The following C8orf34 variants were observed in gnomAD, a reference collection of about 807,000 sequenced individuals.
C8orf34 encodes uncharacterized protein C8orf34.
A neutral mutation model predicts 68.3 loss-of-function variants in C8orf34; 65 were observed. The ratio of observed to expected loss-of-function variants is 0.95; its 90% CI spans 0.78 to 1.17. The LOEUF is 1.17. Among genes scored for constraint, C8orf34 ranks in the 50% most tolerant of loss-of-function variants. C8orf34 has a pLI of 0.00. For synonymous variants in C8orf34, 244 were observed against 241.2 expected, an observed-to-expected ratio of 1.01 and a Z score of -0.11; for missense variants, 664 against 655.4, an observed-to-expected ratio of 1.01 and a Z score of -0.14.
chr8:68,372,943 TAGA>T (rs978921765), intron 1 of C8orf34, among the ~76,000 whole-genome samples: 2 of 152,204 alleles, frequency 1.3e-5, no homozygotes, highest in African/African-American at 2.4e-5. Context: ...AAGCACAGCA[TAGA>T]AGAATGGGTT....
intron 2 of C8orf34, among the ~76,000 whole-genome samples, chr8:68,442,083 G>A (rs1810932049): frequency 6.6e-6 from 1 of 152,110 alleles, no homozygotes; most frequent in Non-Finnish European, 1.5e-5. Context: ...AAAATTTATA[G>A]TTAGAGTGTA....
At chr8:68,441,026 G>A (rs371931430) in intron 2 of C8orf34, among the ~76,000 whole-genome samples, 2 of 152,058 alleles carry the variant, frequency 1.3e-5, no homozygotes, top group Non-Finnish European at 2.9e-5. Context: ...GGATGGTCTC[G>A]ATCTCCTGAC....
At chr8:68,439,407 C>T in intron 1 of C8orf34, 92 bp from the exon 2 acceptor site, 3 of 1,207,058 alleles carry the variant, frequency 2.5e-6, no homozygotes, top group Non-Finnish European at 3.5e-6. Flanking sequence ...GCAGTTAGAC[C>T]AGTACCTGAC....
chr8:68,626,933 T>C (rs1221967822), intron 7 of C8orf34, among the ~76,000 whole-genome samples: 1 of 152,078 alleles, frequency 6.6e-6, no homozygotes, highest in East Asian at 1.9e-4. Context: ...CTGACTTAAC[T>C]CTCAAGAAAT....
intron 7 of C8orf34, among the ~76,000 whole-genome samples, chr8:68,616,481 C>T (rs1010964377): frequency 2.0e-5 from 3 of 152,092 alleles, no homozygotes; most frequent in South Asian, 2.1e-4. Flanking sequence ...GAGATTCTGG[C>T]ATGTTGTGTC....
chr8:68,659,614 CT>C (rs1819612688), intron 8 of C8orf34, among the ~76,000 whole-genome samples: 1 of 152,150 alleles, frequency 6.6e-6, no homozygotes, highest in Non-Finnish European at 1.5e-5. Flanking sequence ...CCTTACTCCA[CT>C]GCTAAAGAGT....
rs1824829362 is a variant in C8orf34 at position 68,816,684 on chromosome 8, AG to A, written c.1609+740del. Among the ~76,000 whole-genome samples the A allele has an allele frequency of 3.3e-5, 5 of 152,254 alleles. No homozygotes were observed. In the South Asian group the frequency reaches 1.0e-3, roughly 32 times the overall value. On this transcript the variant is annotated intron_variant, in intron 13 of 13. Transcript: ENST00000518698. ...TTTTGCTCTGCTGTAATTGCTCTTGAGTCAATAATTCTGCATTAGGACATTA... is the reference window on the plus strand; with the variant it reads ...TTTTGCTCTGCTGTAATTGCTCTTGATCAATAATTCTGCATTAGGACATTA...
chr8:68,344,231 TA>T (rs994487230), intron 1 of C8orf34, among the ~76,000 whole-genome samples: 1 of 151,894 alleles, frequency 6.6e-6, no homozygotes, highest in African/African-American at 2.4e-5. Flanking sequence ...ATTCAGCAGT[TA>T]AAAAAAATAA....
chr8:68,381,188 A>G (rs1452645222), intron 1 of C8orf34, among the ~76,000 whole-genome samples: 1 of 152,190 alleles, frequency 6.6e-6, no homozygotes, highest in Non-Finnish European at 1.5e-5. Context: ...GGAAGACTAG[A>G]CTATTTTTCT....
intron 7 of C8orf34, among the ~76,000 whole-genome samples, chr8:68,600,200 A>G (rs10957440): frequency 3.3e-5 from 5 of 151,920 alleles, no homozygotes; most frequent in South Asian, 4.1e-4. Flanking sequence ...CACAGTCTAC[A>G]GGTATTGATG....
chr8:68,512,597 T>G (rs961204998), intron 5 of C8orf34, among the ~76,000 whole-genome samples: 1 of 152,168 alleles, frequency 6.6e-6, no homozygotes, highest in Non-Finnish European at 1.5e-5. Flanking sequence ...AAAAACCTTT[T>G]ATAACCTTTT....
chr8:68,500,067 T>C (rs1813700212), intron 5 of C8orf34, among the ~76,000 whole-genome samples: 1 of 152,196 alleles, frequency 6.6e-6, no homozygotes, highest in South Asian at 2.1e-4. Flanking sequence ...CCTTCAGCCA[T>C]GACTCCTGAA....
At chr8:68,797,306 T>G (rs1436647311) in intron 12 of C8orf34, among the ~76,000 whole-genome samples, 4 of 152,214 alleles carry the variant, frequency 2.6e-5, no homozygotes, top group African/African-American at 9.6e-5. Context: ...TCCAAGAGAC[T>G]GTGGACCTGT....
chr8:68,730,716 C>T (rs1821956577), intron 10 of C8orf34, among the ~76,000 whole-genome samples: 1 of 151,976 alleles, frequency 6.6e-6, no homozygotes, highest in African/African-American at 2.4e-5. Flanking sequence ...AAAAGTATGA[C>T]ATTATTTTGT....
intron 1 of C8orf34, among the ~76,000 whole-genome samples, chr8:68,394,141 GGTTA>G (rs1244802489): frequency 6.6e-6 from 1 of 151,724 alleles, no homozygotes; most frequent in Non-Finnish European, 1.5e-5. Context: ...ACAATGTGCA[GGTTA>G]GTTACATATG....
In C8orf34 at chr8:68,818,345, G is replaced by A. The variant is rs764913205; in HGVS notation, c.*99G>A. On this transcript the variant is annotated 3_prime_UTR_variant, in exon 14 of 14. Coordinates refer to ENST00000518698, the MANE Select transcript of C8orf34 (RefSeq NM_052958.4). The stretch of plus-strand genomic sequence containing the variant: ...TATTTACTATGTGTAATCATTTAGA[G>A]AATGGTTATTTTTATAATCTCAATA... The A allele has an allele frequency of 7.7e-7, 1 of 1,306,854 alleles. No individual in the cohort carries two copies. The highest frequency in any genetic ancestry group is 1.2e-5 in the South Asian group (1 of 80,012). 81.0% of individuals were successfully genotyped at this position (1,306,854 alleles called of 1,614,324 possible).
chr8:68,814,034 C>T (rs1304582620), intron 12 of C8orf34, among the ~76,000 whole-genome samples: 1 of 152,180 alleles, frequency 6.6e-6, no homozygotes, highest in Non-Finnish European at 1.5e-5. Context: ...TCCTCATTTT[C>T]TACTAAACCT....
At chr8:68,738,914 G>A (rs756509647) in intron 10 of C8orf34, among the ~76,000 whole-genome samples, 1 of 151,932 alleles carries the variant, frequency 6.6e-6, no homozygotes, top group Non-Finnish European at 1.5e-5. Context: ...ATGAGGAGGG[G>A]CTCCTCCCTA....
chr8:68,589,800 T>G (rs1337206695), intron 7 of C8orf34, among the ~76,000 whole-genome samples: 9 of 97,368 alleles, frequency 9.2e-5, no homozygotes, highest in African/African-American at 1.8e-4. Context: ...GAGAAGGGAA[T>G]CAGGAAGGAG....
Sources: allele counts gnomAD v4.1 joint callset (sites outside exome capture counted in the v4.1 genomes callset), GRCh38; gene constraint gnomAD v4.1.1; transcripts MANE v1.5; gene names NCBI Gene and HGNC (gene_info 2026-07-23, HGNC 2026-07-21).